Variants in MEF2D observed in about 807,000 individuals in gnomAD.
The protein encoded by MEF2D is myocyte-specific enhancer factor 2D.
Under a neutral mutation model 59.3 loss-of-function variants are expected in MEF2D, and 10 were observed. The observed-to-expected ratio is 0.17, with a 90% CI of 0.10 to 0.29. MEF2D has a LOEUF of 0.29. Ranked by LOEUF, MEF2D falls within the 10% of genes least tolerant of loss-of-function variation. The pLI is 1.00. For synonymous variants in MEF2D, 305 were observed against 295.0 expected (o/e 1.03, Z -0.35); for missense variants, 508 against 699.4 (o/e 0.73, Z 3.09).
At chr1:156,472,239 C>A (rs1671275804) in intron 9 of MEF2D, among the ~76,000 whole-genome samples, 1 of 152,232 alleles carries the variant, frequency 6.6e-6, no homozygotes, top group African/African-American at 2.4e-5. Flanking sequence ...GCCCCAGAGG[C>A]CCAGTGGCAG....
chr1:156,497,098 G>A (rs1207085672), intron 1 of MEF2D, among the ~76,000 whole-genome samples: 1 of 152,210 alleles, frequency 6.6e-6, no homozygotes, highest in African/African-American at 2.4e-5. Flanking sequence ...TCTTCCTGAA[G>A]TCTAAGCTCC....
chr1:156,487,989 T>C (rs182200859), intron 1 of MEF2D, among the ~76,000 whole-genome samples: 2 of 152,240 alleles, frequency 1.3e-5, no homozygotes, highest in Non-Finnish European at 2.9e-5. Context: ...ATGGCCTTCC[T>C]GTTCTGATGG....
In MEF2D at chr1:156,466,833, C is replaced by T. The variant is rs1438523756; in HGVS notation, c.*812G>A. On this transcript the variant is annotated 3_prime_UTR_variant, in exon 12 of 12. Transcript: ENST00000348159. The stretch of plus-strand genomic sequence containing the variant: ...TGGGGAAGGGAGGGGCTCAATTTGC[C>T]CCCTGCCTAGCCCTTCTGCCCTCCT... The T allele has an allele frequency of 6.5e-6, 1 of 152,800 alleles. No homozygotes were observed. Among genetic ancestry groups the T allele is most frequent in the Admixed American group, 6.5e-5 (1 of 15,278 alleles). The allele number at this position is 152,800 out of a possible 1,614,324, so 9.5% of individuals were successfully genotyped here.
Position 156,491,085 on chromosome 1 carries a change from T to C in MEF2D, c.-138-7655A>G, listed in dbSNP as rs574158447. ...CTAGCCAGACTGTTCTCAGAAGTAT[T>C]TGGGGGCAACAGGAGATTGAGTCCC... On this transcript the variant is annotated intron_variant, in intron 1 of 11. Coordinates refer to ENST00000348159, the MANE Select transcript of MEF2D (RefSeq NM_005920.4). Among the ~76,000 whole-genome samples, 8 of 152,258 alleles carry C rather than the reference T, an allele frequency of 5.3e-5. No individual in the cohort carries two copies. In the South Asian group the frequency reaches 6.2e-4, roughly 12 times the overall value.
chr1:156,476,268 C>T (rs1157327941), intron 8 of MEF2D, among the ~76,000 whole-genome samples: 1 of 152,322 alleles, frequency 6.6e-6, no homozygotes, highest in Non-Finnish European at 1.5e-5. Context: ...TGCAGACATT[C>T]ATGTACACAC....
intron 9 of MEF2D, among the ~76,000 whole-genome samples, chr1:156,470,193 G>A (rs1671145051): frequency 1.3e-5 from 2 of 152,242 alleles, no homozygotes; most frequent in South Asian, 4.1e-4. Context: ...GTTTGGGACA[G>A]TTTAGAAAAT....
chr1:156,479,246 G>A (rs749600730), intron 6 of MEF2D, 44 bp downstream of exon 6: 17 of 1,550,904 alleles, frequency 1.1e-5, no homozygotes, highest in African/African-American at 9.6e-5. Context: ...GCCACTGAGC[G>A]GGCACCCCTC....
chr1:156,500,770 TA>T lies in MEF2D; in HGVS notation c.-424del, dbSNP rs1338584153. 1 of 151,090 alleles carries T rather than the reference TA, an allele frequency of 6.6e-6. No individual in the cohort carries two copies. Among genetic ancestry groups the T allele is most frequent in the Non-Finnish European group, 1.5e-5 (1 of 67,912 alleles). 9.4% of individuals were successfully genotyped at this position (151,090 alleles called of 1,614,324 possible). On this transcript the variant is annotated 5_prime_UTR_variant, in exon 1 of 12. Coordinates refer to ENST00000348159, the MANE Select transcript of MEF2D (RefSeq NM_005920.4). ...CCTTCCTCCTTTCGGGCTCCAAAGGTAACTCCTCCAGCCCCCGGGAGTCGAG... is the reference window on the plus strand; with the variant it reads ...CCTTCCTCCTTTCGGGCTCCAAAGGTACTCCTCCAGCCCCCGGGAGTCGAG...
At chr1:156,479,463 G>A in intron 5 of MEF2D, 117 bp from the exon 6 acceptor site, 2 of 1,485,076 alleles carry the variant, frequency 1.3e-6, no homozygotes. Flanking sequence ...CTTCCCTCAG[G>A]AGCCATACAA....
Position 156,477,104 on chromosome 1 carries a change from G to C in MEF2D, c.763C>G (p.Pro255Ala), listed in dbSNP as rs759279321. Residue 255 changes from proline to alanine, a missense_variant, in exon 7 of 12, where the codon CCT (proline) becomes GCT (alanine). Coordinates refer to ENST00000348159, the MANE Select transcript of MEF2D (RefSeq NM_005920.4). Reference sequence around the variant, plus strand: ...GCTCCAAGCTGGGTGCTGTGGGTAGGTGGGGGTGGAGACTTGGCAGGGATG... The same window carrying C: ...GCTCCAAGCTGGGTGCTGTGGGTAGCTGGGGGTGGAGACTTGGCAGGGATG... ...KVIPAKSPPP[P>A]THSTQLGAPS... The C allele has an allele frequency of 4.3e-5, 70 of 1,613,904 alleles. No individual in the cohort carries two copies. The Admixed American group carries it at 1.0e-3, about 23-fold the overall frequency.
intron 3 of MEF2D, 88 bp downstream of exon 3, chr1:156,482,349 G>A: frequency 7.3e-7 from 1 of 1,365,786 alleles, no homozygotes; most frequent in Non-Finnish European, 1.0e-6. Context: ...TGTGTGCATA[G>A]GCAGGTCTGC....
chr1:156,480,787 A>G, intron 4 of MEF2D, 47 bp downstream of exon 4: 1 of 1,560,302 alleles, frequency 6.4e-7, no homozygotes, highest in East Asian at 2.5e-5. Flanking sequence ...CCTGGGGGGA[A>G]GGGGCCGGAA....
intron 1 of MEF2D, among the ~76,000 whole-genome samples, chr1:156,483,880 C>G (rs1405570478): frequency 6.6e-6 from 1 of 152,174 alleles, no homozygotes; most frequent in African/African-American, 2.4e-5. Flanking sequence ...GCATGGTATA[C>G]CTGGTGCCAG....
rs146740245 is a variant in MEF2D at position 156,472,072 on chromosome 1, T to C, written c.1006+3036A>G. ...TTTCCTCCTGCTTCACAAAAGACTG[T>C]GGGCCCAACAAGATGGCAGAAAAAC... On this transcript the variant is annotated intron_variant, in intron 9 of 11. Transcript: ENST00000348159. Among the ~76,000 whole-genome samples, 4 of 152,326 alleles carry C rather than the reference T, an allele frequency of 2.6e-5. No individual in the cohort carries two copies. The East Asian group carries it at 5.8e-4, about 22-fold the overall frequency.
intron 3 of MEF2D, among the ~76,000 whole-genome samples, chr1:156,481,476 G>C (rs1672015020): frequency 1.3e-5 from 2 of 152,284 alleles, no homozygotes; most frequent in Middle Eastern, 6.8e-3. Flanking sequence ...AGAGAGCGGG[G>C]AATGGGATGT....
intron 1 of MEF2D, among the ~76,000 whole-genome samples, chr1:156,490,858 T>C (rs1445463455): frequency 6.6e-6 from 1 of 152,220 alleles, no homozygotes; most frequent in African/African-American, 2.4e-5. Flanking sequence ...CTCCTCCATG[T>C]CTTCCTCACC....
intron 2 of MEF2D, among the ~76,000 whole-genome samples, chr1:156,482,847 C>A (rs865884915): frequency 2.0e-5 from 3 of 152,216 alleles, no homozygotes; most frequent in South Asian, 2.1e-4. Flanking sequence ...CAGCCCAGAG[C>A]CCACTCACTG....
chr1:156,483,834 C>T (rs549692415), intron 1 of MEF2D, among the ~76,000 whole-genome samples: 3 of 152,300 alleles, frequency 2.0e-5, no homozygotes, highest in East Asian at 1.9e-4. Flanking sequence ...GAAGAGACAA[C>T]GCTGAGAGGA....
At chr1:156,490,905 C>G (rs1264388392) in intron 1 of MEF2D, among the ~76,000 whole-genome samples, 1 of 152,204 alleles carries the variant, frequency 6.6e-6, no homozygotes, top group African/African-American at 2.4e-5. Context: ...TCTCATCCTT[C>G]CTGTAGCAGC....
Sources: allele counts gnomAD v4.1 joint callset (sites outside exome capture counted in the v4.1 genomes callset), GRCh38; gene constraint gnomAD v4.1.1; transcripts MANE v1.5; gene names NCBI Gene and HGNC (gene_info 2026-07-23, HGNC 2026-07-21).